Variants in MBD1 observed in about 807,000 individuals in gnomAD.
MBD1 encodes methyl-CpG binding domain protein 1.
Under a neutral mutation model 82.6 loss-of-function variants are expected in MBD1, and 25 were observed. The observed-to-expected ratio is 0.30, with a 90% CI of 0.22 to 0.42. The LOEUF is 0.42. Ranked by LOEUF, MBD1 falls within the 10% of genes least tolerant of loss-of-function variation. The pLI is 1.00. For synonymous variants in MBD1, 301 were observed against 303.7 expected (o/e 0.99, Z 0.09); for missense variants, 627 against 819.6 (o/e 0.76, Z 2.87).
intron 15 of MBD1, 36 bp from the exon 16 acceptor site, chr18:50,271,576 G>C (rs746206009): frequency 2.5e-6 from 4 of 1,613,632 alleles, no homozygotes; most frequent in Non-Finnish European, 3.4e-6. Flanking sequence ...TGTTGAATGA[G>C]GTTTGCTATG....
rs1336693147 is a variant in MBD1 at position 50,280,016 on chromosome 18, G to T, written c.-24C>A. Reference sequence around the variant, plus strand: ...ATGGAGGCCACAGGAAGCAGCAGTAGCCTGAAAGGGGGTGGAAGGGATGAG... The same window carrying T: ...ATGGAGGCCACAGGAAGCAGCAGTATCCTGAAAGGGGGTGGAAGGGATGAG... On this transcript the variant is annotated splice_region_variant and 5_prime_UTR_variant, in exon 2 of 17. Coordinates refer to ENST00000269468, the MANE Select transcript of MBD1 (RefSeq NM_015846.4). 6.2e-7 allele frequency: 1 copy of T among 1,602,006 alleles called. No homozygotes were observed. The highest frequency in any genetic ancestry group is 1.1e-5 in the South Asian group (1 of 90,898).
chr18:50,276,239 G>A (rs1312477439), intron 6 of MBD1, 139 bp downstream of exon 6: 3 of 911,858 alleles, frequency 3.3e-6, no homozygotes, highest in Non-Finnish European at 3.5e-6. Context: ...TCCCATTATT[G>A]TGTCTGCTGA....
In MBD1 at chr18:50,273,550, G is replaced by C; in HGVS notation, c.1446+14C>G. On this transcript the variant is annotated intron_variant, in intron 12 of 16. Transcript: ENST00000269468. ...GGGTGAGGCTGGGAAGGCAGGACAG[G>C]GTGGGGCCCTCACCTGCAACAGGGC... is the stretch of plus-strand genomic sequence containing the variant. The C allele has an allele frequency of 1.2e-6, 2 of 1,613,048 alleles. No homozygotes were observed. The highest frequency in any genetic ancestry group is 1.7e-6 in the Non-Finnish European group (2 of 1,180,034).
Position 50,275,173 on chromosome 18 carries a change from G to C in MBD1, c.865C>G (p.Leu289Val), listed in dbSNP as rs749148492. The change falls in exon 9 of 17, where the codon CTG becomes GTG. Residue 289 changes from leucine (L) to valine (V), a missense_variant. By Grantham distance (32) the Leu-to-Val change is conservative (BLOSUM62 1). Transcript: ENST00000269468. ...GACTGTGATGGGGGTGGTGGAGGCA[G>C]TGGCTGGGCTCCGGGGCGCCGCCTG... The part of the protein sequence containing the change: ...AARRRPGAQP[L>V]PPPPPSQSPE... 6.2e-7 allele frequency: 1 copy of C among 1,614,144 alleles called. No homozygotes were observed. The highest frequency in any genetic ancestry group is 8.5e-7 in the Non-Finnish European group (1 of 1,180,006).
At position 50,275,799 on chromosome 18, in the gene MBD1, G is replaced by A. The variant is rs1366156088; in HGVS notation, c.663+36C>T. ...CAAGCCCATGGGGGCCAGGGGCCGAGGTGAGCCTTGGGCTCTTTCCACTTG... is the reference window on the plus strand; with the variant it reads ...CAAGCCCATGGGGGCCAGGGGCCGAAGTGAGCCTTGGGCTCTTTCCACTTG... On this transcript the variant is annotated intron_variant, in intron 7 of 16. Transcript: ENST00000269468. The A allele has an allele frequency of 1.9e-6, 3 of 1,614,028 alleles. No homozygotes were observed. The African/African-American group carries it at 4.0e-5, about 22-fold the overall frequency.
rs1034385935 is a variant in MBD1, at chr18:50,272,166, C to T, written c.1778+511G>A. ...AGGGCAACCAGAGATCACACAACTA[C>T]GTGTGAACCCAGCTCACAAAGCCAG... is the stretch of plus-strand genomic sequence containing the variant. On this transcript the variant is annotated intron_variant, in intron 15 of 16. Transcript: ENST00000269468. Among the ~76,000 whole-genome samples, 15 of 152,184 alleles carry T rather than the reference C, an allele frequency of 9.9e-5. No individual in the cohort carries two copies. In the East Asian group the frequency reaches 1.9e-3, roughly 20 times the overall value.
downstream of MBD1, chr18:50,268,756 T>C (rs1015335120): frequency 1.5e-5 from 4 of 264,378 alleles, no homozygotes; most frequent in African/African-American, 9.2e-5. Flanking sequence ...TGACCTTGAT[T>C]TGATCTTCCC....
intron 15 of MBD1, among the ~76,000 whole-genome samples, 189 bp from the exon 16 acceptor site, chr18:50,271,729 GA>G (rs1194498941): frequency 2.0e-5 from 3 of 152,164 alleles, no homozygotes; most frequent in African/African-American, 4.8e-5. Context: ...TAAGCTCCCT[GA>G]AGGTAGGTAT....
At chr18:50,277,234 C>T (rs1475443550) in intron 2 of MBD1, 30 bp from the exon 3 acceptor site, 3 of 1,536,914 alleles carry the variant, frequency 2.0e-6, no homozygotes, top group Non-Finnish European at 1.8e-6. Context: ...GGTTAGCACC[C>T]AGGTGGAGCC....
At chr18:50,272,576 C>T (rs567401845) in intron 15 of MBD1, 101 bp downstream of exon 15, 2 of 1,324,108 alleles carry the variant, frequency 1.5e-6, no homozygotes, top group Non-Finnish European at 2.2e-6. Flanking sequence ...GCCTTTACCT[C>T]CCACCACACC....
At chr18:50,281,248 C>A (rs1186014037) in intron 1 of MBD1, 115 bp downstream of exon 1, 1 of 1,531,754 alleles carries the variant, frequency 6.5e-7, no homozygotes, top group Admixed American at 2.0e-5. Context: ...CGCCGCCATT[C>A]CTCCCCCTTA....
Position 50,268,926 on chromosome 18 carries a change from C to T in MBD1, c.*925G>A. 1.3e-5 allele frequency: 13 copies of T among 984,932 alleles called. No individual in the cohort carries two copies. The highest frequency in any genetic ancestry group is 1.6e-5 in the Non-Finnish European group (13 of 829,444). 61.0% of individuals were successfully genotyped at this position (984,932 alleles called of 1,614,324 possible). On this transcript the variant is annotated 3_prime_UTR_variant, in exon 17 of 17. Coordinates refer to ENST00000269468, the MANE Select transcript of MBD1 (RefSeq NM_015846.4). ...GAAACTAAATTATTTCCAATTCCTACTGTGCCCCAAACAAGGTTCACAAAA... is the reference window on the plus strand; with the variant it reads ...GAAACTAAATTATTTCCAATTCCTATTGTGCCCCAAACAAGGTTCACAAAA...
rs1314066790 is a variant in MBD1, at chr18:50,272,849, T to C, written c.1691A>G (p.Glu564Gly). Residue 564 changes from glutamate (E) to glycine (G), a missense_variant, in exon 14 of 17, where the codon GAG (glutamate) becomes GGG (glycine). Glu to Gly is a moderately conservative substitution (Grantham distance 98). Around this residue, in one of 6 missense-constraint regions of MBD1, gnomAD observed 265 missense variants for 278.4 expected, o/e 0.95. Transcript: ENST00000269468. ...CACGGGTGTGCCAGCCCCTCCTGCCTCTTCCTCTGGGGCCAATTTGGAGGC... is the reference window on the plus strand; with the variant it reads ...CACGGGTGTGCCAGCCCCTCCTGCCCCTTCCTCTGGGGCCAATTTGGAGGC... The part of the protein sequence containing the change: ...DSASKLAPEE[E>G]AGGAGTPVIT... 1 of 1,614,200 alleles carries C rather than the reference T, an allele frequency of 6.2e-7. No individual in the cohort carries two copies. The highest frequency in any genetic ancestry group is 1.3e-5 in the African/African-American group (1 of 75,060).
At chr18:50,271,073 A>T in intron 16 of MBD1, 1 of 1,024,364 alleles carries the variant, frequency 9.8e-7, no homozygotes. Flanking sequence ...ATTCAATTAC[A>T]TTTTCAATTG....
chr18:50,281,432 A>G lies in MBD1; in HGVS notation c.-95T>C. 1 of 592,656 alleles carries G rather than the reference A, an allele frequency of 1.7e-6. No individual in the cohort carries two copies. 36.7% of individuals were successfully genotyped at this position (592,656 alleles called of 1,614,324 possible). ...GACCCATGGCGAGGGTCCCTCCTGC[A>G]CCTCCCGCCTCGCCCTCCTCCCCTT... On this transcript the variant is annotated 5_prime_UTR_variant, in exon 1 of 17. Transcript: ENST00000269468.
At chr18:50,271,611 A>G (rs2035567884) in intron 15 of MBD1, 71 bp from the exon 16 acceptor site, 17 of 1,503,836 alleles carry the variant, frequency 1.1e-5, no homozygotes, top group Non-Finnish European at 1.5e-5. Context: ...TTACAAAACC[A>G]TTTCCTACTA....
At chr18:50,275,429 G>A in intron 8 of MBD1, 171 bp downstream of exon 8, 1 of 1,603,486 alleles carries the variant, frequency 6.2e-7, no homozygotes, top group East Asian at 2.2e-5. Context: ...CGGCGACGCA[G>A]GCGGTGAGCA....
intron 16 of MBD1, chr18:50,271,168 G>C (rs2035355173): frequency 1.8e-5 from 22 of 1,227,552 alleles, no homozygotes; most frequent in Non-Finnish European, 2.2e-5. Context: ...GGCTTGTTTA[G>C]GTTGTTTTGT....
Position 50,273,881 on chromosome 18 carries a change from G to A in MBD1, c.1147-18C>T. The A allele has an allele frequency of 6.2e-7, 1 of 1,610,332 alleles. No individual in the cohort carries two copies. Among genetic ancestry groups the A allele is most frequent in the Non-Finnish European group, 8.5e-7 (1 of 1,179,920 alleles). ...AGCCGCTTCTATGGGGAAAGATAGG[G>A]TGCTATGGCTACCTGGTGTCCTGAC... On this transcript the variant is annotated intron_variant, in intron 11 of 16. Coordinates refer to ENST00000269468, the MANE Select transcript of MBD1 (RefSeq NM_015846.4).
Sources: allele counts gnomAD v4.1 joint callset (sites outside exome capture counted in the v4.1 genomes callset), GRCh38; gene constraint gnomAD v4.1.1; regional missense constraint gnomAD v4.1.1; transcripts MANE v1.5; gene names NCBI Gene and HGNC (gene_info 2026-07-23, HGNC 2026-07-21).